SHISA9: variants seen among roughly 807,000 people sequenced by gnomAD.
SHISA9 encodes shisa family member 9.
Under a neutral mutation model 38.0 loss-of-function variants are expected in SHISA9, and 13 were observed. The observed-to-expected ratio is 0.34, with a 90% CI of 0.22 to 0.54. The LOEUF is 0.54. SHISA9 is among the 20% of genes least tolerant of loss of function. The pLI is 0.91. For synonymous variants in SHISA9, 275 were observed against 242.0 expected (o/e 1.14, Z -1.27); for missense variants, 538 against 575.8 (o/e 0.93, Z 0.67).
chr16:13,433,142 G>T, the SHISA9 span, among the ~76,000 whole-genome samples: 3 of 151,538 alleles, frequency 2.0e-5, no homozygotes, highest in Admixed American at 6.6e-5. Flanking sequence ...TTATAATAGG[G>T]ATAGTCATAG....
chr16:13,173,155 A>ACGCG (rs574507183), intron 2 of SHISA9, among the ~76,000 whole-genome samples: 256 of 108,892 alleles, frequency 2.4e-3, no homozygotes, highest in South Asian at 4.3e-3. Flanking sequence ...GCACGTGCGC[A>ACGCG]CACACACACA....
the SHISA9 span, among the ~76,000 whole-genome samples, chr16:13,271,097 G>T: frequency 6.6e-6 from 1 of 152,164 alleles, no homozygotes; most frequent in South Asian, 2.1e-4. Context: ...TCAGTGGGTA[G>T]CAGGGATATA....
chr16:13,488,454 C>A, the SHISA9 span, among the ~76,000 whole-genome samples: 1 of 152,160 alleles, frequency 6.6e-6, no homozygotes, highest in African/African-American at 2.4e-5. Context: ...TATAAGTACC[C>A]TCTTACATAT....
chr16:12,915,297 C>T (rs933962618), intron 1 of SHISA9, among the ~76,000 whole-genome samples: 23 of 152,120 alleles, frequency 1.5e-4, no homozygotes, highest in South Asian at 2.1e-4. Flanking sequence ...CCTGAGACCA[C>T]GTCTCTACAA....
chr16:13,280,052 G>C, the SHISA9 span, among the ~76,000 whole-genome samples: 5 of 150,716 alleles, frequency 3.3e-5, no homozygotes, highest in African/African-American at 9.8e-5. Flanking sequence ...ATATTCATGG[G>C]ATCAGAGTAG....
At chr16:13,343,392 A>G in the SHISA9 span, among the ~76,000 whole-genome samples, 3 of 152,052 alleles carry the variant, frequency 2.0e-5, no homozygotes, top group Admixed American at 1.3e-4. Context: ...TTTTCTCTCT[A>G]GTACCACAAA....
At chr16:13,547,995 A>G in the SHISA9 span, among the ~76,000 whole-genome samples, 39 of 152,328 alleles carry the variant, frequency 2.6e-4, no homozygotes, top group African/African-American at 7.9e-4. Context: ...GCAAAATAGC[A>G]TGATACTGGT....
chr16:12,925,230 C>T (rs1409106100), intron 2 of SHISA9, among the ~76,000 whole-genome samples: 3 of 151,948 alleles, frequency 2.0e-5, no homozygotes. Context: ...CCGTCAATTC[C>T]TTCCCAAGGA....
chr16:12,955,673 A>G (rs2071822593), intron 2 of SHISA9, among the ~76,000 whole-genome samples: 1 of 152,120 alleles, frequency 6.6e-6, no homozygotes, highest in Non-Finnish European at 1.5e-5. Flanking sequence ...AGCCTTTTAA[A>G]TAAATGGTAC....
At chr16:13,158,599 G>C (rs2142010624) in intron 2 of SHISA9, among the ~76,000 whole-genome samples, 1 of 152,310 alleles carries the variant, frequency 6.6e-6, no homozygotes, top group Admixed American at 6.5e-5. Context: ...AGACACATCT[G>C]ATTGGCCAAG....
At chr16:13,354,377 A>G in the SHISA9 span, among the ~76,000 whole-genome samples, 2 of 140,674 alleles carry the variant, frequency 1.4e-5, no homozygotes, top group Non-Finnish European at 3.1e-5. Flanking sequence ...AATTTGGGGA[A>G]ATGGGGTGAA....
intron 2 of SHISA9, among the ~76,000 whole-genome samples, chr16:13,048,956 T>C (rs2073217690): frequency 6.6e-6 from 1 of 152,248 alleles, no homozygotes; most frequent in Admixed American, 6.5e-5. Flanking sequence ...TATTACTTAT[T>C]GACTGAGTCT....
chr16:12,912,673 C>A (rs1002354081), intron 1 of SHISA9, among the ~76,000 whole-genome samples: 7 of 152,150 alleles, frequency 4.6e-5, no homozygotes, highest in African/African-American at 1.4e-4. Context: ...TCAGACCCTG[C>A]TTATTGCACG....
chr16:13,469,209 T>A, the SHISA9 span, among the ~76,000 whole-genome samples: 1 of 145,574 alleles, frequency 6.9e-6, no homozygotes, highest in Middle Eastern at 3.2e-3. Context: ...GCCACTGCAC[T>A]CCAACCTGGG....
At chr16:13,125,189 A>G (rs984963423) in intron 2 of SHISA9, among the ~76,000 whole-genome samples, 3 of 152,058 alleles carry the variant, frequency 2.0e-5, no homozygotes, top group African/African-American at 7.2e-5. Flanking sequence ...CACCCAGAGA[A>G]TGGGAGAAAA....
At chr16:13,206,009 C>T (rs139354280) in intron 3 of SHISA9, among the ~76,000 whole-genome samples, 29 of 151,402 alleles carry the variant, frequency 1.9e-4, no homozygotes, top group Non-Finnish European at 3.4e-4. Context: ...AAATGATTTT[C>T]CCAGCTTGGC....
chr16:13,401,133 A>T, the SHISA9 span, among the ~76,000 whole-genome samples: 11 of 152,200 alleles, frequency 7.2e-5, no homozygotes, highest in Admixed American at 2.6e-4. Flanking sequence ...TCTCCCAAGG[A>T]TTAAATAGAA....
At chr16:12,976,988 G>C (rs1180084525) in intron 2 of SHISA9, among the ~76,000 whole-genome samples, 1 of 152,206 alleles carries the variant, frequency 6.6e-6, no homozygotes, top group Non-Finnish European at 1.5e-5. Flanking sequence ...TTGTAAGCTT[G>C]AGAGACATGA....
At chr16:12,915,251 A>G (rs1487234939) in intron 1 of SHISA9, among the ~76,000 whole-genome samples, 2 of 152,182 alleles carry the variant, frequency 1.3e-5, no homozygotes, top group Non-Finnish European at 2.9e-5. Context: ...TCTTGAGGCC[A>G]GGAGTTTGAA....
Sources: gnomAD v4.1 joint callset for allele counts (sites outside exome capture counted in the v4.1 genomes callset) on GRCh38, gnomAD v4.1.1 for gene constraint, MANE v1.5 for transcripts, NCBI Gene and HGNC (gene_info 2026-07-23, HGNC 2026-07-21) for gene names.